The following UBE2E2 variants were observed in gnomAD, a reference collection of about 807,000 sequenced individuals.
UBE2E2 encodes ubiquitin-conjugating enzyme E2 E2.
UBE2E2 carries 6 observed loss-of-function variants against 24.7 expected under a neutral mutation model. The observed-to-expected ratio is 0.24, with a 90% CI of 0.13 to 0.48. The LOEUF (loss-of-function observed/expected upper bound fraction) is 0.48, where lower values mean the gene tolerates loss of function less well. UBE2E2 is among the 20% of genes least tolerant of loss of function. The pLI is 0.99. For missense variants in UBE2E2, 169 were observed against 245.0 expected, an observed-to-expected ratio of 0.69 and a Z score of 2.07; for synonymous variants, 104 against 83.6, an observed-to-expected ratio of 1.24 and a Z score of -1.33.
chr3:23,573,025 G>A (rs1696261263), intron 5 of UBE2E2, among the ~76,000 whole-genome samples: 1 of 151,610 alleles, frequency 6.6e-6, no homozygotes. Flanking sequence ...ATCAAGATTA[G>A]GGTTCTCAAA....
chr3:23,560,109 G>C (rs570455322), intron 5 of UBE2E2, among the ~76,000 whole-genome samples: 212 of 151,874 alleles, frequency 1.4e-3, no homozygotes, highest in African/African-American at 4.9e-3. Context: ...TGTGCACAAC[G>C]TGCAGGTTTG....
intron 3 of UBE2E2, among the ~76,000 whole-genome samples, chr3:23,449,478 G>A (rs928038135): frequency 6.6e-6 from 1 of 152,160 alleles, no homozygotes; most frequent in African/African-American, 2.4e-5. Flanking sequence ...GAGAAGCTGT[G>A]GAACTTGGTG....
chr3:23,348,005 A>AT (rs1323201263), intron 3 of UBE2E2, among the ~76,000 whole-genome samples: 1 of 152,016 alleles, frequency 6.6e-6, no homozygotes, highest in Non-Finnish European at 1.5e-5. Flanking sequence ...TTAAAGTATA[A>AT]TAAAAAAAAG....
intron 3 of UBE2E2, among the ~76,000 whole-genome samples, chr3:23,351,749 A>C (rs898470961): frequency 1.8e-4 from 27 of 152,128 alleles, no homozygotes; most frequent in Non-Finnish European, 2.6e-4. Context: ...CCTTAGTGAC[A>C]TACAAAGAGA....
chr3:23,255,457 G>C (rs1398408485), intron 3 of UBE2E2, among the ~76,000 whole-genome samples: 2 of 152,080 alleles, frequency 1.3e-5, no homozygotes, highest in South Asian at 2.1e-4. Context: ...CAGTGTAGAA[G>C]AGAAGTAAAA....
At chr3:23,221,781 C>T (rs533455680) in intron 3 of UBE2E2, among the ~76,000 whole-genome samples, 160 of 152,208 alleles carry the variant, frequency 1.1e-3, no homozygotes, top group South Asian at 4.8e-3. Flanking sequence ...GAATTACAGG[C>T]GTGCGCCACC....
chr3:23,428,443 A>G (rs1697980672), intron 3 of UBE2E2, among the ~76,000 whole-genome samples: 1 of 152,240 alleles, frequency 6.6e-6, no homozygotes, highest in Non-Finnish European at 1.5e-5. Context: ...TTACAGAAGA[A>G]GAAAGATCTA....
At chr3:23,556,536 A>G (rs1245031208) in intron 5 of UBE2E2, among the ~76,000 whole-genome samples, 1 of 151,624 alleles carries the variant, frequency 6.6e-6, no homozygotes, top group Non-Finnish European at 1.5e-5. Context: ...AGAATCATTG[A>G]TAAGGCATTG....
chr3:23,558,805 A>C (rs1193183023), intron 5 of UBE2E2, among the ~76,000 whole-genome samples: 1 of 152,170 alleles, frequency 6.6e-6, no homozygotes, highest in Non-Finnish European at 1.5e-5. Context: ...ATATGCCTGT[A>C]TTCCCAGCTA....
Position 23,529,047 on chromosome 3 carries a change from A to G in UBE2E2, c.361-3507A>G, listed in dbSNP as rs114638266. ...TGCAGAGTGAAAAGAACCAATTTCA[A>G]TTGGTTACCTACTATACGATTCCAT... is the stretch of plus-strand genomic sequence containing the variant. On this transcript the variant is annotated intron_variant, in intron 4 of 5. Coordinates refer to ENST00000396703, the MANE Select transcript of UBE2E2 (RefSeq NM_152653.4). Among the ~76,000 whole-genome samples the G allele has an allele frequency of 3.2e-3, 494 of 152,314 alleles. 2 individuals are homozygous for G. Among genetic ancestry groups the G allele is most frequent in the Admixed American group, 6.0e-3 (92 of 15,292 alleles).
intron 3 of UBE2E2, among the ~76,000 whole-genome samples, chr3:23,251,090 C>A (rs1040375476): frequency 2.6e-5 from 4 of 152,198 alleles, no homozygotes; most frequent in African/African-American, 9.6e-5. Flanking sequence ...AACTCCTGGG[C>A]TCAGTCCTCC....
intron 3 of UBE2E2, among the ~76,000 whole-genome samples, chr3:23,487,078 C>T (rs775164921): frequency 1.3e-5 from 2 of 152,222 alleles, no homozygotes; most frequent in South Asian, 2.1e-4. Flanking sequence ...TCAATACCCC[C>T]GGCCTCCCTC....
At chr3:23,330,370 A>G (rs914871819) in intron 3 of UBE2E2, among the ~76,000 whole-genome samples, 1 of 152,232 alleles carries the variant, frequency 6.6e-6, no homozygotes, top group Non-Finnish European at 1.5e-5. Flanking sequence ...ATGGAAGTAA[A>G]CATTGAAAAA....
intron 3 of UBE2E2, among the ~76,000 whole-genome samples, chr3:23,463,776 C>T (rs1698863292): frequency 6.6e-6 from 1 of 152,014 alleles, no homozygotes; most frequent in African/African-American, 2.4e-5. Flanking sequence ...GAGATTGAGC[C>T]CATTTAAAAT....
chr3:23,310,834 A>T (rs981519264), intron 3 of UBE2E2, among the ~76,000 whole-genome samples: 1 of 152,178 alleles, frequency 6.6e-6, no homozygotes, highest in Non-Finnish European at 1.5e-5. Flanking sequence ...GATAATAAGG[A>T]TGTCATTATT....
chr3:23,544,234 G>A (rs1163987854), intron 5 of UBE2E2, among the ~76,000 whole-genome samples: 2 of 152,102 alleles, frequency 1.3e-5, no homozygotes, highest in Non-Finnish European at 1.5e-5. Context: ...AAAAACTTCT[G>A]CACAGTGAAA....
At chr3:23,345,023 A>C (rs1638562028) in intron 3 of UBE2E2, among the ~76,000 whole-genome samples, 1 of 152,154 alleles carries the variant, frequency 6.6e-6, no homozygotes, top group African/African-American at 2.4e-5. Flanking sequence ...AAATATCCTC[A>C]TGAGATTCTG....
chr3:23,395,395 C>T (rs544179405), intron 3 of UBE2E2, among the ~76,000 whole-genome samples: 1 of 152,060 alleles, frequency 6.6e-6, no homozygotes, highest in Non-Finnish European at 1.5e-5. Flanking sequence ...CCTTTTTGTT[C>T]CAGGGTAGTT....
intron 3 of UBE2E2, among the ~76,000 whole-genome samples, chr3:23,470,586 CT>C (rs1346588545): frequency 2.0e-5 from 3 of 152,148 alleles, no homozygotes; most frequent in Non-Finnish European, 4.4e-5. Context: ...TCTGAGATTA[CT>C]TTAAGTCTTT....
Sources: gnomAD v4.1 joint callset for allele counts (sites outside exome capture counted in the v4.1 genomes callset) on GRCh38, gnomAD v4.1.1 for gene constraint, MANE v1.5 for transcripts, NCBI Gene and HGNC (gene_info 2026-07-23, HGNC 2026-07-21) for gene names.